MCPH1: variants seen among roughly 807,000 people sequenced by gnomAD.
The protein encoded by MCPH1 is microcephalin 1.
In MCPH1, 104 loss-of-function variants were observed where a neutral mutation model predicts 84.5. The ratio of observed to expected loss-of-function variants is 1.23; its 90% CI spans 1.05 to 1.45. MCPH1 has a LOEUF of 1.45. Ranked by LOEUF, MCPH1 falls within the 40% of genes most tolerant of loss-of-function variation. The pLI is 0.00. For synonymous variants in MCPH1, 514 were observed against 366.8 expected (o/e 1.40, Z -4.58); for missense variants, 1,498 against 1,005.7 (o/e 1.49, Z -6.62).
chr8:6,406,791 C>T (rs556950508), intron 1 of MCPH1, 102 bp downstream of exon 1: 5 of 1,332,448 alleles, frequency 3.8e-6, no homozygotes, highest in African/African-American at 1.4e-5. Flanking sequence ...GCCCCGCTCG[C>T]CCCTCCCTCG....
rs773873594 is a variant in MCPH1, at chr8:6,414,806, C to T, written c.156C>T (p.Phe52=). 2.5e-6 allele frequency: 4 copies of T among 1,613,618 alleles called. No homozygotes were observed. The highest frequency in any genetic ancestry group is 1.7e-5 in the Admixed American group (1 of 59,942). The part of the protein sequence containing the change: ...TFNKQVTHVI[F]KDGYQSTWDK... ...ACAAACAAGTAACTCACGTTATCTT[C>T]AAAGATGGCTACCAGAGCACTTGGG... The change falls in exon 3 of 14, where the codon TTC becomes TTT. Residue 52 remains phenylalanine (F), a synonymous_variant. Transcript: ENST00000344683.
intron 2 of MCPH1, among the ~76,000 whole-genome samples, chr8:6,413,627 T>C (rs1563169736): frequency 6.6e-6 from 1 of 152,074 alleles, no homozygotes; most frequent in Non-Finnish European, 1.5e-5. Context: ...TGAGCTTTAC[T>C]CAACTTCATT....
intron 9 of MCPH1, among the ~76,000 whole-genome samples, chr8:6,456,942 T>A (rs1216198959): frequency 1.3e-5 from 2 of 152,124 alleles, no homozygotes; most frequent in Non-Finnish European, 2.9e-5. Context: ...GGCATATGAA[T>A]GGGAGATGGG....
At chr8:6,518,461 G>A (rs1056505268) in intron 12 of MCPH1, among the ~76,000 whole-genome samples, 1 of 152,108 alleles carries the variant, frequency 6.6e-6, no homozygotes, top group Non-Finnish European at 1.5e-5. Flanking sequence ...TAATTTTCAG[G>A]GTTGATTTAA....
chr8:6,416,430 G>A (rs190955975), intron 3 of MCPH1, among the ~76,000 whole-genome samples: 1 of 152,200 alleles, frequency 6.6e-6, no homozygotes, highest in Admixed American at 6.5e-5. Context: ...TATTTCGTAT[G>A]ATGGTAACTG....
rs187711875 is a variant in MCPH1 at position 6,514,026 on chromosome 8, C to G, written c.2214+14097C>G. 2.9e-3 allele frequency among the ~76,000 whole-genome samples: 440 copies of G among 152,294 alleles called. 5 individuals carry two copies. The highest frequency in any genetic ancestry group is 2.0e-3 in the Admixed American group (31 of 15,300). On this transcript the variant is annotated intron_variant, in intron 12 of 13. Coordinates refer to ENST00000344683, the MANE Select transcript of MCPH1 (RefSeq NM_024596.5). ...TTTTAAATAGGTCAGTTATTAGACA[C>G]TAAGCTGCTGCTGGAAGAAAACTTG...
chr8:6,584,222 A>T (rs1393953648), intron 12 of MCPH1, among the ~76,000 whole-genome samples: 4 of 152,226 alleles, frequency 2.6e-5, no homozygotes, highest in Non-Finnish European at 5.9e-5. Context: ...CTACAGATTT[A>T]GCAGCTCAGG....
chr8:6,636,514 C>CTGT (rs1226352654), intron 13 of MCPH1, among the ~76,000 whole-genome samples: 1 of 152,078 alleles, frequency 6.6e-6, no homozygotes, highest in Non-Finnish European at 1.5e-5. Flanking sequence ...GAGTTTGGCT[C>CTGT]TGTTGCCCAG....
intron 12 of MCPH1, among the ~76,000 whole-genome samples, chr8:6,613,398 G>T (rs1322062078): frequency 1.3e-5 from 2 of 152,204 alleles, no homozygotes; most frequent in African/African-American, 4.8e-5. Context: ...ATTTAACCCG[G>T]GTTGTGGTTT....
At chr8:6,475,824 C>T (rs769453355) in intron 9 of MCPH1, among the ~76,000 whole-genome samples, 12 of 152,004 alleles carry the variant, frequency 7.9e-5, no homozygotes, top group Non-Finnish European at 1.5e-4. Context: ...AGAGGTGGTC[C>T]CTGTGGCATA....
At chr8:6,571,205 C>T in intron 12 of MCPH1, among the ~76,000 whole-genome samples, 1 of 152,066 alleles carries the variant, frequency 6.6e-6, no homozygotes, top group Non-Finnish European at 1.5e-5. Context: ...GTACATTTGC[C>T]TGATAATATT....
At chr8:6,478,023 G>C (rs982532486) in intron 10 of MCPH1, among the ~76,000 whole-genome samples, 1 of 152,210 alleles carries the variant, frequency 6.6e-6, no homozygotes, top group Non-Finnish European at 1.5e-5. Context: ...TTTTGTGGAA[G>C]GGTTAATAGC....
intron 12 of MCPH1, chr8:6,501,446 A>T (rs1259699822): frequency 6.6e-6 from 1 of 152,196 alleles, no homozygotes; most frequent in African/African-American, 2.4e-5. Flanking sequence ...ACAAATGTTC[A>T]TTAGTATTAA....
chr8:6,469,742 T>C (rs1241337109), intron 9 of MCPH1, among the ~76,000 whole-genome samples: 2 of 152,214 alleles, frequency 1.3e-5, no homozygotes, highest in Admixed American at 6.5e-5. Context: ...AAAACGGGTA[T>C]ATCTGTTTAA....
At chr8:6,413,594 T>C (rs1483655870) in intron 2 of MCPH1, among the ~76,000 whole-genome samples, 3 of 152,096 alleles carry the variant, frequency 2.0e-5, no homozygotes, top group Non-Finnish European at 2.9e-5. Flanking sequence ...GTCCGTCTTC[T>C]GGTTCTTCTC....
chr8:6,572,501 A>G (rs1056902310), intron 12 of MCPH1, among the ~76,000 whole-genome samples: 1 of 152,234 alleles, frequency 6.6e-6, no homozygotes. Context: ...ACCTACATCA[A>G]TTGCAACTAA....
chr8:6,416,662 C>A (rs1585607408), intron 3 of MCPH1, among the ~76,000 whole-genome samples: 1 of 152,116 alleles, frequency 6.6e-6, no homozygotes, highest in South Asian at 2.1e-4. Context: ...ATAAATCCTA[C>A]TTGGTCATGT....
Position 6,576,682 on chromosome 8 carries a change from ATTTTTTTTTTTTTTTTTT to A in MCPH1, c.2215-44744_2215-44727del, listed in dbSNP as rs58486084. On this transcript the variant is annotated intron_variant, in intron 12 of 13. Coordinates refer to ENST00000344683, the MANE Select transcript of MCPH1 (RefSeq NM_024596.5). ...GCCACCACGCTCTGCTAATTTTTGT[ATTTTTTTTTTTTTTTTTT>A]TTTTTTTTTTTTTTTTTTTTTTTTT... Among the ~76,000 whole-genome samples, 279 of 42,308 alleles carry A rather than the reference ATTTTTTTTTTTTTTTTTT, an allele frequency of 6.6e-3. 1 individual carries two copies. The highest frequency in any genetic ancestry group is 0.015 in the African/African-American group (244 of 15,824). The allele number at this position is 42,308 out of a possible 152,430, so 27.8% of individuals were successfully genotyped here. A position where few individuals can be genotyped will look rare whatever the true frequency, so the allele number is the denominator to read the frequency against.
At chr8:6,467,767 T>G (rs1330698190) in intron 9 of MCPH1, among the ~76,000 whole-genome samples, 6 of 152,098 alleles carry the variant, frequency 3.9e-5, no homozygotes, top group African/African-American at 1.4e-4. Context: ...CAGCTAATTT[T>G]TTTTGTTTGT....
Sources: allele counts gnomAD v4.1 joint callset (sites outside exome capture counted in the v4.1 genomes callset), GRCh38; gene constraint gnomAD v4.1.1; transcripts MANE v1.5; gene names NCBI Gene and HGNC (gene_info 2026-07-23, HGNC 2026-07-21).